BBOX1: variants seen among roughly 807,000 people sequenced by gnomAD.
BBOX1 encodes gamma-butyrobetaine dioxygenase.
BBOX1 carries 35 observed loss-of-function variants against 41.6 expected under a neutral mutation model. The observed-to-expected ratio is 0.84, with a 90% CI of 0.64 to 1.11. The LOEUF (loss-of-function observed/expected upper bound fraction) is 1.11, where lower values mean the gene tolerates loss of function less well. Ranked by LOEUF, BBOX1 falls within the 50% of genes most tolerant of loss-of-function variation. The pLI is 0.00. For synonymous variants in BBOX1, 163 were observed against 154.7 expected, an observed-to-expected ratio of 1.05 and a Z score of -0.40; for missense variants, 458 against 460.6, an observed-to-expected ratio of 0.99 and a Z score of 0.05.
intron 7 of BBOX1, among the ~76,000 whole-genome samples, chr11:27,121,417 T>C (rs1859459552): frequency 6.6e-6 from 1 of 152,116 alleles, no homozygotes; most frequent in Admixed American, 6.5e-5. Flanking sequence ...TTATGTAAAT[T>C]TAGTTATATT....
chr11:27,098,507 T>C (rs1183329179), intron 5 of BBOX1, among the ~76,000 whole-genome samples: 2 of 152,136 alleles, frequency 1.3e-5, no homozygotes, highest in East Asian at 1.9e-4. Context: ...ACATGCATTA[T>C]ATTAATAAAA....
At chr11:27,042,004 T>A (rs1384698036) in intron 2 of BBOX1, among the ~76,000 whole-genome samples, 1 of 152,218 alleles carries the variant, frequency 6.6e-6, no homozygotes, top group East Asian at 1.9e-4. Context: ...TTAAAGCCAC[T>A]ATGCACATCT....
intron 4 of BBOX1, among the ~76,000 whole-genome samples, chr11:27,078,925 C>T (rs536984030): frequency 1.1e-3 from 174 of 152,240 alleles, no homozygotes; most frequent in African/African-American, 4.0e-3. Flanking sequence ...AAGTGATAAA[C>T]TGTAAGTACT....
At chr11:27,048,854 G>A (rs1438422894) in intron 2 of BBOX1, among the ~76,000 whole-genome samples, 2 of 145,312 alleles carry the variant, frequency 1.4e-5, no homozygotes, top group Admixed American at 7.0e-5. Flanking sequence ...CCACTAACTC[G>A]TCATCTAGCA....
At chr11:27,057,421 T>C in intron 4 of BBOX1, 106 bp downstream of exon 4, 1 of 842,446 alleles carries the variant, frequency 1.2e-6, no homozygotes, top group Non-Finnish European at 1.9e-6. Flanking sequence ...TTGATTAAAA[T>C]ATGTGACATG....
At chr11:27,103,573 G>GT (rs1368922760) in intron 5 of BBOX1, among the ~76,000 whole-genome samples, 1 of 151,512 alleles carries the variant, frequency 6.6e-6, no homozygotes, top group Non-Finnish European at 1.5e-5. Flanking sequence ...TGTTTAAGGA[G>GT]TTTTTAAATT....
intron 5 of BBOX1, among the ~76,000 whole-genome samples, chr11:27,108,653 T>A (rs1213021005): frequency 6.6e-6 from 1 of 152,040 alleles, no homozygotes; most frequent in Non-Finnish European, 1.5e-5. Context: ...ACTATAATAC[T>A]CCATCTTTTT....
At chr11:27,090,778 G>C (rs923274760) in intron 4 of BBOX1, among the ~76,000 whole-genome samples, 1 of 151,774 alleles carries the variant, frequency 6.6e-6, no homozygotes, top group Non-Finnish European at 1.5e-5. Flanking sequence ...ACATAAAACA[G>C]ACATTCCCAG....
intron 4 of BBOX1, among the ~76,000 whole-genome samples, chr11:27,084,468 G>A (rs1236896487): frequency 1.3e-5 from 2 of 152,182 alleles, no homozygotes; most frequent in Admixed American, 6.5e-5. Flanking sequence ...GAAGAGGGCA[G>A]GATCTCCATA....
intron 4 of BBOX1, chr11:27,066,731 A>G (rs970977194): frequency 3.3e-5 from 5 of 152,002 alleles, no homozygotes; most frequent in African/African-American, 9.6e-5. Flanking sequence ...TTACGTTCAT[A>G]CATACTATTG....
intron 5 of BBOX1, among the ~76,000 whole-genome samples, chr11:27,098,111 ACTACAGACAAC>A (rs1304905917): frequency 1.3e-5 from 2 of 151,866 alleles, no homozygotes; most frequent in African/African-American, 4.8e-5. Flanking sequence ...CTTTATTCTG[ACTACAGACAAC>A]CTGTGCCAAG....
At chr11:27,091,655 A>G (rs933609676) in intron 4 of BBOX1, among the ~76,000 whole-genome samples, 10 of 151,988 alleles carry the variant, frequency 6.6e-5, no homozygotes, top group Middle Eastern at 6.8e-3. Context: ...AAAGAACTGG[A>G]AAGACTGTAG....
intron 5 of BBOX1, among the ~76,000 whole-genome samples, chr11:27,098,055 C>CTT (rs1316658488): frequency 6.6e-6 from 1 of 151,922 alleles, no homozygotes; most frequent in African/African-American, 2.4e-5. Flanking sequence ...CCTGCTTAAC[C>CTT]TTTTGTTTGC....
chr11:27,106,070 CT>C (rs1858854379), intron 5 of BBOX1, among the ~76,000 whole-genome samples: 1 of 152,022 alleles, frequency 6.6e-6, no homozygotes, highest in Non-Finnish European at 1.5e-5. Flanking sequence ...CAGGCCTGCC[CT>C]AAAAGAGCTC....
chr11:27,119,926 A>C, intron 7 of BBOX1, 81 bp downstream of exon 7: 1 of 866,810 alleles, frequency 1.2e-6, no homozygotes, highest in Non-Finnish European at 1.6e-6. Context: ...TAAACAGCAC[A>C]AAACTTCAAC....
chr11:27,083,351 T>C (rs143542739), intron 4 of BBOX1, among the ~76,000 whole-genome samples: 42 of 152,186 alleles, frequency 2.8e-4, no homozygotes, highest in African/African-American at 1.0e-3. Context: ...CATGAAGAAC[T>C]TACAATCTAG....
At chr11:27,056,232 T>C (rs966875143) in intron 3 of BBOX1, among the ~76,000 whole-genome samples, 3 of 152,168 alleles carry the variant, frequency 2.0e-5, no homozygotes, top group Admixed American at 6.6e-5. Context: ...GCTGTTGTAC[T>C]CCTTATCATC....
intron 5 of BBOX1, among the ~76,000 whole-genome samples, chr11:27,109,280 C>A (rs1858971105): frequency 6.6e-6 from 1 of 152,030 alleles, no homozygotes; most frequent in African/African-American, 2.4e-5. Context: ...TCCTATGGGG[C>A]ATCTCCTGTG....
Position 27,127,550 on chromosome 11 carries a change from ATT to A in BBOX1, c.*99_*100del. The A allele has an allele frequency of 7.3e-7, 1 of 1,366,714 alleles. No homozygotes were observed. Among genetic ancestry groups the A allele is most frequent in the Non-Finnish European group, 9.9e-7 (1 of 1,008,142 alleles). The allele number at this position is 1,366,714 out of a possible 1,614,324, so 84.7% of individuals were successfully genotyped here. A position where few individuals can be genotyped will look rare whatever the true frequency, so the allele number is the denominator to read the frequency against. On this transcript the variant is annotated 3_prime_UTR_variant, in exon 9 of 9. Coordinates refer to ENST00000263182, the MANE Select transcript of BBOX1 (RefSeq NM_003986.3). ...CCATGATCTTTGTGATTTACATATA[ATT>A]TCCTTAACAATGAACATGTAACTTC...
Sources: allele counts gnomAD v4.1 joint callset (sites outside exome capture counted in the v4.1 genomes callset), GRCh38; gene constraint gnomAD v4.1.1; transcripts MANE v1.5; gene names NCBI Gene and HGNC (gene_info 2026-07-23, HGNC 2026-07-21).